The following TRIQK variants were observed in gnomAD, a reference collection of about 807,000 sequenced individuals.
The protein encoded by TRIQK is triple QxxK/R motif containing, also known as triple QxxK/R motif-containing protein.
A neutral mutation model predicts 10.8 loss-of-function variants in TRIQK; 10 were observed. The observed-to-expected ratio is 0.92, with a 90% CI of 0.57 to 1.57. The LOEUF is 1.57. Among genes scored for constraint, TRIQK ranks in the 40% most tolerant of loss-of-function variants. The pLI is 0.00. For synonymous variants in TRIQK, 33 were observed against 33.7 expected, an observed-to-expected ratio of 0.98 and a Z score of 0.07; for missense variants, 107 against 97.7, an observed-to-expected ratio of 1.09 and a Z score of -0.40.
chr8:92,924,679 G>T (rs1307863788), intron 2 of TRIQK, among the ~76,000 whole-genome samples: 1 of 151,728 alleles, frequency 6.6e-6, no homozygotes, highest in East Asian at 1.9e-4. Context: ...GTGTGAAGTG[G>T]ACAAGGTATA....
chr8:92,965,413 A>C (rs568010780), intron 1 of TRIQK: 1 of 152,358 alleles, frequency 6.6e-6, no homozygotes, highest in South Asian at 2.1e-4. Flanking sequence ...AAGCCACCTA[A>C]TCCTGTCTGA....
intron 4 of TRIQK, 35 bp downstream of exon 4, chr8:92,891,954 A>C: frequency 7.1e-7 from 1 of 1,412,166 alleles, no homozygotes; most frequent in East Asian, 2.5e-5. Flanking sequence ...TGGCATGCAC[A>C]TATCAAATTT....
chr8:92,978,957 A>C (rs1812958417), intron 1 of TRIQK, among the ~76,000 whole-genome samples: 2 of 152,246 alleles, frequency 1.3e-5, no homozygotes, highest in South Asian at 4.1e-4. Context: ...ATGAACACTT[A>C]TTGCATAACA....
rs116760881 is a variant in TRIQK, at chr8:92,885,100, G to A, written c.*1522C>T. Reference sequence around the variant, plus strand: ...AGGGAAGAATCTAGTAAATAACACCGGCTAAATTTTGCCCTCAGATGTTTG... The same window carrying A: ...AGGGAAGAATCTAGTAAATAACACCAGCTAAATTTTGCCCTCAGATGTTTG... On this transcript the variant is annotated 3_prime_UTR_variant, in exon 5 of 5. Transcript: ENST00000521988. 2.5e-3 allele frequency: 1,066 copies of A among 431,648 alleles called. 10 individuals carry two copies. The highest frequency in any genetic ancestry group is 0.019 in the African/African-American group (945 of 49,404). The allele number at this position is 431,648 out of a possible 1,614,324, so 26.7% of individuals were successfully genotyped here.
At chr8:93,014,996 C>A (rs2130765515) in intron 1 of TRIQK, among the ~76,000 whole-genome samples, 1 of 152,078 alleles carries the variant, frequency 6.6e-6, no homozygotes, top group Non-Finnish European at 1.5e-5. Flanking sequence ...TTTAACATTT[C>A]CTCAAGAAGA....
chr8:92,932,385 T>G (rs1339719226), intron 2 of TRIQK, among the ~76,000 whole-genome samples: 4 of 152,296 alleles, frequency 2.6e-5, no homozygotes. Context: ...CTACCTTTTT[T>G]GTTTGTTTTA....
intron 2 of TRIQK, among the ~76,000 whole-genome samples, chr8:92,947,353 T>C (rs1811596839): frequency 6.6e-6 from 1 of 150,784 alleles, no homozygotes. Flanking sequence ...GAGGCTGAGG[T>C]GAGTGGATCA....
chr8:93,007,621 A>G (rs1298908578), intron 1 of TRIQK, among the ~76,000 whole-genome samples: 1 of 152,222 alleles, frequency 6.6e-6, no homozygotes, highest in Non-Finnish European at 1.5e-5. Flanking sequence ...CAAAAAAGCT[A>G]AGAACCATGA....
At chr8:92,936,461 G>C (rs1273096903) in intron 2 of TRIQK, among the ~76,000 whole-genome samples, 1 of 151,536 alleles carries the variant, frequency 6.6e-6, no homozygotes, top group Non-Finnish European at 1.5e-5. Context: ...GAAAGATAGA[G>C]GATGAACAGA....
intron 1 of TRIQK, among the ~76,000 whole-genome samples, chr8:92,999,638 A>G (rs1304117442): frequency 6.6e-6 from 1 of 152,170 alleles, no homozygotes; most frequent in Non-Finnish European, 1.5e-5. Context: ...AACTTTCTTC[A>G]TCTTCTGATG....
upstream of TRIQK, among the ~76,000 whole-genome samples, chr8:92,970,160 A>G (rs1370917287): frequency 1.3e-5 from 2 of 152,294 alleles, no homozygotes; most frequent in Non-Finnish European, 2.9e-5. Context: ...TCCATGGTGT[A>G]TATGTACCAC....
intron 1 of TRIQK, among the ~76,000 whole-genome samples, chr8:92,958,391 A>G (rs1314110921): frequency 1.3e-5 from 2 of 152,032 alleles, no homozygotes; most frequent in African/African-American, 4.8e-5. Flanking sequence ...TCTGATTGAT[A>G]TGTAACTCAT....
chr8:92,974,299 C>CAA (rs1363826976), intron 1 of TRIQK: 1 of 152,256 alleles, frequency 6.6e-6, no homozygotes, highest in Non-Finnish European at 1.5e-5. Flanking sequence ...TACGACAGCA[C>CAA]AAAGTCTTCC....
intron 1 of TRIQK, among the ~76,000 whole-genome samples, chr8:93,002,253 A>G (rs531217727): frequency 6.6e-6 from 1 of 152,290 alleles, no homozygotes; most frequent in Admixed American, 6.5e-5. Context: ...AACTAAATTA[A>G]TAAAAAAGGA....
chr8:93,015,625 G>T (rs1301692788), intron 1 of TRIQK, among the ~76,000 whole-genome samples: 1 of 151,934 alleles, frequency 6.6e-6, no homozygotes, highest in Non-Finnish European at 1.5e-5. Flanking sequence ...TAACATAAGG[G>T]TATTGGCATG....
chr8:92,989,105 AC>A (rs1366905429), intron 1 of TRIQK, among the ~76,000 whole-genome samples: 2 of 150,450 alleles, frequency 1.3e-5, no homozygotes, highest in African/African-American at 5.0e-5. Flanking sequence ...TAAAGATAAT[AC>A]TGCATATCAG....
chr8:92,951,132 C>CT (rs374890641), intron 2 of TRIQK, among the ~76,000 whole-genome samples: 3 of 150,190 alleles, frequency 2.0e-5, no homozygotes, highest in South Asian at 2.1e-4. Flanking sequence ...ATTTTTATTG[C>CT]TTTTTTTTTA....
upstream of TRIQK, among the ~76,000 whole-genome samples, chr8:92,967,461 AATAACTCTCT>A (rs1812796800): frequency 6.6e-6 from 1 of 152,180 alleles, no homozygotes; most frequent in South Asian, 2.1e-4. Flanking sequence ...GCTAAATGTG[AATAACTCTCT>A]ATAAAACTTT....
At chr8:92,957,442 G>C (rs1364599510) in intron 1 of TRIQK, among the ~76,000 whole-genome samples, 1 of 151,626 alleles carries the variant, frequency 6.6e-6, no homozygotes, top group African/African-American at 2.4e-5. Context: ...ATAAATATAA[G>C]ACAATATCAT....
Sources: gnomAD v4.1 joint callset for allele counts (sites outside exome capture counted in the v4.1 genomes callset) on GRCh38, gnomAD v4.1.1 for gene constraint, MANE v1.5 for transcripts, NCBI Gene and HGNC (gene_info 2026-07-23, HGNC 2026-07-21) for gene names.